Variants in LDLRAD4 observed in about 807,000 individuals in gnomAD.
The protein encoded by LDLRAD4 is low density lipoprotein receptor class A domain containing 4.
LDLRAD4 carries 5 observed loss-of-function variants against 17.0 expected under a neutral mutation model. That is an observed-to-expected ratio of 0.29 (90% CI 0.15 to 0.62). LDLRAD4 has a LOEUF of 0.62. LDLRAD4 is among the 20% of genes least tolerant of loss of function. The pLI is 0.84. For missense variants in LDLRAD4, 340 were observed against 424.7 expected, an observed-to-expected ratio of 0.80 and a Z score of 1.75; for synonymous variants, 168 against 171.8, an observed-to-expected ratio of 0.98 and a Z score of 0.17.
upstream of LDLRAD4, among the ~76,000 whole-genome samples, chr18:13,276,406 C>T (rs1370747167): frequency 2.0e-5 from 3 of 152,180 alleles, no homozygotes; most frequent in African/African-American, 7.2e-5. Context: ...CTCACAGTTT[C>T]CAAGGCTCCA....
intron 3 of LDLRAD4, among the ~76,000 whole-genome samples, chr18:13,527,433 C>G (rs2097561194): frequency 6.6e-6 from 1 of 152,244 alleles, no homozygotes; most frequent in African/African-American, 2.4e-5. Flanking sequence ...TGGTGCTGGC[C>G]TGGGCCGAGG....
At chr18:13,600,796 T>C (rs570857581) in intron 3 of LDLRAD4, among the ~76,000 whole-genome samples, 43 of 152,356 alleles carry the variant, frequency 2.8e-4, no homozygotes, top group African/African-American at 9.9e-4. Flanking sequence ...TGTAAATTTT[T>C]TTAAAATTAC....
intron 3 of LDLRAD4, among the ~76,000 whole-genome samples, chr18:13,469,004 A>C (rs556666984): frequency 1.3e-5 from 2 of 150,266 alleles, no homozygotes; most frequent in South Asian, 2.1e-4. Flanking sequence ...GTATAATAAT[A>C]ATAAAAAAAG....
In LDLRAD4 at chr18:13,456,793, G is replaced by A. The variant is rs116567706; in HGVS notation, c.181+18409G>A. On this transcript the variant is annotated intron_variant, in intron 3 of 5. Transcript: ENST00000359446. ...ATGTATGCTATCAGTGCGGGTTTGA[G>A]CCCCAGCTTCAGGCTCAGTAAATCA... Among the ~76,000 whole-genome samples the A allele has an allele frequency of 9.3e-3, 1,421 of 152,330 alleles. 25 individuals carry two copies. Among genetic ancestry groups the A allele is most frequent in the African/African-American group, 0.032 (1,322 of 41,568 alleles).
At chr18:13,431,966 G>A (rs1053108006) in intron 2 of LDLRAD4, among the ~76,000 whole-genome samples, 2 of 152,206 alleles carry the variant, frequency 1.3e-5, no homozygotes, top group African/African-American at 2.4e-5. Flanking sequence ...CAGTGAGGCC[G>A]GTGCCTTTAC....
At chr18:13,331,499 A>G (rs2081865191) in intron 1 of LDLRAD4, among the ~76,000 whole-genome samples, 1 of 152,266 alleles carries the variant, frequency 6.6e-6, no homozygotes, top group Non-Finnish European at 1.5e-5. Flanking sequence ...ATCTGACCAC[A>G]TTAATTAGTA....
At chr18:13,518,161 T>C (rs12458741) in intron 3 of LDLRAD4, among the ~76,000 whole-genome samples, 48,006 of 152,126 alleles carry the variant, frequency 0.32, 8,068 homozygotes, top group Middle Eastern at 0.51. Context: ...ATTGCCTCCG[T>C]CTTGGTCTCA....
intron 3 of LDLRAD4, among the ~76,000 whole-genome samples, chr18:13,505,269 A>G (rs1463691144): frequency 2.0e-5 from 3 of 152,232 alleles, no homozygotes; most frequent in African/African-American, 7.2e-5. Flanking sequence ...TTGTACTTGG[A>G]TGCTGGAGAT....
chr18:13,492,671 G>A (rs560647370), intron 3 of LDLRAD4, among the ~76,000 whole-genome samples: 117 of 152,342 alleles, frequency 7.7e-4, no homozygotes, highest in African/African-American at 2.4e-3. Context: ...TCCCTCCAGA[G>A]AAATGGTAGC....
At chr18:13,504,270 G>A (rs1258579211) in intron 3 of LDLRAD4, among the ~76,000 whole-genome samples, 1 of 152,138 alleles carries the variant, frequency 6.6e-6, no homozygotes, top group African/African-American at 2.4e-5. Flanking sequence ...ATTACTAATG[G>A]GTTGCTCCGG....
intron 1 of LDLRAD4, among the ~76,000 whole-genome samples, chr18:13,236,257 A>G (rs2042324933): frequency 6.7e-6 from 1 of 149,960 alleles, no homozygotes; most frequent in Non-Finnish European, 1.5e-5. Flanking sequence ...GCACTGTTCC[A>G]TCTTTTCCCC....
chr18:13,557,104 A>C (rs1272014859), intron 3 of LDLRAD4, among the ~76,000 whole-genome samples: 1 of 151,722 alleles, frequency 6.6e-6, no homozygotes, highest in Non-Finnish European at 1.5e-5. Flanking sequence ...AGACCAGCCT[A>C]GCCAACACCG....
chr18:13,510,592 G>C (rs896764885), intron 3 of LDLRAD4, among the ~76,000 whole-genome samples: 2 of 152,018 alleles, frequency 1.3e-5, no homozygotes, highest in South Asian at 2.1e-4. Flanking sequence ...TTGTGTGATG[G>C]GTGCACTAAA....
chr18:13,403,093 G>T (rs2087376264), intron 2 of LDLRAD4, among the ~76,000 whole-genome samples: 1 of 152,146 alleles, frequency 6.6e-6, no homozygotes, highest in African/African-American at 2.4e-5. Flanking sequence ...GTGGAAAAAA[G>T]TACATCCTAA....
intron 1 of LDLRAD4, among the ~76,000 whole-genome samples, chr18:13,227,762 A>G (rs2041883467): frequency 1.3e-5 from 2 of 152,224 alleles, no homozygotes. Context: ...AGCCCTTTAT[A>G]AAACCATCAG....
chr18:13,536,625 T>C (rs967194203), intron 3 of LDLRAD4, among the ~76,000 whole-genome samples: 2 of 152,110 alleles, frequency 1.3e-5, no homozygotes, highest in Admixed American at 6.5e-5. Flanking sequence ...TTTTTTACTT[T>C]ACTGCACTGT....
At chr18:13,303,797 C>A (rs2046747306) in intron 1 of LDLRAD4, among the ~76,000 whole-genome samples, 1 of 152,200 alleles carries the variant, frequency 6.6e-6, no homozygotes, top group South Asian at 2.1e-4. Flanking sequence ...ATGCATCTTT[C>A]TGGGGACCTC....
intron 2 of LDLRAD4, among the ~76,000 whole-genome samples, chr18:13,427,708 G>C (rs2145971524): frequency 6.6e-6 from 1 of 152,316 alleles, no homozygotes; most frequent in East Asian, 1.9e-4. Flanking sequence ...CTTGAGGACA[G>C]GAGAGAACGA....
chr18:13,439,821 C>T (rs980247115), intron 3 of LDLRAD4, among the ~76,000 whole-genome samples: 2 of 152,198 alleles, frequency 1.3e-5, no homozygotes, highest in Non-Finnish European at 2.9e-5. Context: ...GTCGGGAGCC[C>T]TGAGGAACCC....
Sources: gnomAD v4.1 joint callset for allele counts (sites outside exome capture counted in the v4.1 genomes callset) on GRCh38, gnomAD v4.1.1 for gene constraint, MANE v1.5 for transcripts, NCBI Gene and HGNC (gene_info 2026-07-23, HGNC 2026-07-21) for gene names.